Variants in TEAD4 observed in about 807,000 individuals in gnomAD.
TEAD4 encodes TEA domain transcription factor 4.
A neutral mutation model predicts 52.4 loss-of-function variants in TEAD4; 36 were observed. That is an observed-to-expected ratio of 0.69 (90% CI 0.53 to 0.91). The LOEUF is 0.91. Among genes scored for constraint, TEAD4 ranks in the 40% least tolerant of loss-of-function variants. The probability of loss-of-function intolerance (pLI) is 0.00; values close to 1 mark genes in which losing one functional copy is unlikely to be tolerated. For missense variants in TEAD4, 508 were observed against 583.9 expected (o/e 0.87, Z 1.34); for synonymous variants, 220 against 231.0 (o/e 0.95, Z 0.43).
At chr12:2,983,834 G>T (rs945077116) in intron 2 of TEAD4, among the ~76,000 whole-genome samples, 2 of 152,202 alleles carry the variant, frequency 1.3e-5, no homozygotes, top group Admixed American at 6.5e-5. Flanking sequence ...CATCAGCTCT[G>T]TGCAGCGTGC....
intron 5 of TEAD4, among the ~76,000 whole-genome samples, chr12:3,015,207 C>T (rs1591587173): frequency 6.6e-6 from 1 of 152,186 alleles, no homozygotes; most frequent in East Asian, 1.9e-4. Context: ...TCCCTACTCC[C>T]CACCGCCCTC....
At chr12:2,989,317 C>A (rs2098241224) in intron 2 of TEAD4, among the ~76,000 whole-genome samples, 1 of 152,186 alleles carries the variant, frequency 6.6e-6, no homozygotes, top group South Asian at 2.1e-4. Context: ...ATTTAATCTT[C>A]ACTCTTGAAT....
intron 2 of TEAD4, among the ~76,000 whole-genome samples, chr12:2,965,847 A>C (rs1010683078): frequency 6.6e-6 from 1 of 151,890 alleles, no homozygotes; most frequent in African/African-American, 2.4e-5. Flanking sequence ...CCCGGCCATA[A>C]ATTTTTTTAA....
intron 2 of TEAD4, among the ~76,000 whole-genome samples, chr12:2,981,507 G>A (rs928632439): frequency 2.6e-5 from 4 of 152,270 alleles, no homozygotes; most frequent in East Asian, 1.9e-4. Context: ...CACTGCACCC[G>A]CTTGTGCCCT....
chr12:2,980,976 ACTTCACCTTAGGAGCCTCAGCAT>A, intron 2 of TEAD4, among the ~76,000 whole-genome samples: 1 of 152,280 alleles, frequency 6.6e-6, no homozygotes, highest in South Asian at 2.1e-4. Context: ...GGGACACAGC[ACTTCACCTTAGGAGCCTCAGCAT>A]CTTCACCTGC....
chr12:2,995,350 C>G (rs1284297361), intron 3 of TEAD4, among the ~76,000 whole-genome samples: 1 of 152,108 alleles, frequency 6.6e-6, no homozygotes, highest in Non-Finnish European at 1.5e-5. Context: ...AGGATGCTCA[C>G]TCATCCCCTC....
chr12:3,023,545 T>C (rs1052503256), intron 10 of TEAD4, among the ~76,000 whole-genome samples: 1 of 151,638 alleles, frequency 6.6e-6, no homozygotes, highest in African/African-American at 2.4e-5. Context: ...CCCAGCACTT[T>C]GGGAGGCTGA....
intron 4 of TEAD4, among the ~76,000 whole-genome samples, chr12:3,011,478 C>T (rs1188838184): frequency 4.0e-5 from 6 of 151,074 alleles, no homozygotes; most frequent in East Asian, 2.0e-4. Context: ...GTAATCCACC[C>T]GCCTTGGCCT....
intron 6 of TEAD4, among the ~76,000 whole-genome samples, chr12:3,018,080 AG>A (rs1200262005): frequency 1.3e-5 from 2 of 152,200 alleles, no homozygotes; most frequent in Admixed American, 6.5e-5. Flanking sequence ...TGAGTCTTCA[AG>A]GCACCTGCAG....
intron 2 of TEAD4, among the ~76,000 whole-genome samples, chr12:2,978,394 T>A (rs1042490619): frequency 1.3e-5 from 2 of 151,660 alleles, no homozygotes; most frequent in Non-Finnish European, 2.9e-5. Context: ...TTTTTGTCTT[T>A]TTGTTTTTTT....
intron 2 of TEAD4, among the ~76,000 whole-genome samples, chr12:2,964,218 C>T (rs977529940): frequency 6.6e-6 from 1 of 152,202 alleles, no homozygotes; most frequent in Non-Finnish European, 1.5e-5. Flanking sequence ...AGCCTCCGCT[C>T]GTGCCACGCT....
At chr12:3,017,640 T>C in intron 6 of TEAD4, 114 bp downstream of exon 6, 1 of 1,400,826 alleles carries the variant, frequency 7.1e-7, no homozygotes, top group Non-Finnish European at 9.4e-7. Context: ...TGAGTCCTCT[T>C]GGCCAGGGCA....
intron 2 of TEAD4, among the ~76,000 whole-genome samples, chr12:2,962,659 G>A (rs1465801689): frequency 2.6e-5 from 4 of 151,952 alleles, no homozygotes; most frequent in Admixed American, 1.3e-4. Context: ...TAGTAGAGGC[G>A]GGATTTCGCC....
chr12:2,994,660 A>C lies in TEAD4; in HGVS notation c.-29-78A>C, dbSNP rs1194270229. On this transcript the variant is annotated intron_variant, in intron 2 of 12. Transcript: ENST00000359864. The surrounding 1 kb of genome is among the most constrained non-coding windows in gnomAD (Gnocchi z 4.7). ...CTGAGCAACTGATTCGGGCTCTGGC[A>C]CTCCCCGGAGTGCCTTCATCCCGTG... is the stretch of plus-strand genomic sequence containing the variant. 6.9e-7 allele frequency: 1 copy of C among 1,457,450 alleles called. No individual in the cohort carries two copies. The highest frequency in any genetic ancestry group is 2.4e-5 in the East Asian group (1 of 40,986). The allele number at this position is 1,457,450 out of a possible 1,614,324, so 90.3% of individuals were successfully genotyped here.
intron 11 of TEAD4, among the ~76,000 whole-genome samples, chr12:3,039,814 A>G (rs2098281602): frequency 6.6e-6 from 1 of 152,146 alleles, no homozygotes; most frequent in South Asian, 2.1e-4. Context: ...CAGCCTCCAG[A>G]GTAGCTGGGA....
intron 5 of TEAD4, among the ~76,000 whole-genome samples, chr12:3,016,127 A>T (rs1323949906): frequency 1.3e-5 from 2 of 152,094 alleles, no homozygotes; most frequent in Non-Finnish European, 2.9e-5. Flanking sequence ...TCCCAGGTTT[A>T]AGCAATCCTC....
chr12:3,039,767 A>T lies in TEAD4; in HGVS notation c.1039-340A>T, dbSNP rs537272182. On this transcript the variant is annotated intron_variant, in intron 11 of 12. Transcript: ENST00000359864. Reference sequence around the variant, plus strand: ...CAGTGGTACGATCTCAGCTCACTGCAACCTCCGCCTCCCGGGTTCAAGCGA... The same window carrying T: ...CAGTGGTACGATCTCAGCTCACTGCTACCTCCGCCTCCCGGGTTCAAGCGA... Among the ~76,000 whole-genome samples the T allele has an allele frequency of 4.6e-5, 7 of 152,310 alleles. 1 individual carries two copies. The highest frequency in any genetic ancestry group is 1.5e-5 in the Non-Finnish European group (1 of 68,024).
At chr12:3,018,386 G>T (rs1047431649) in intron 6 of TEAD4, among the ~76,000 whole-genome samples, 159 bp from the exon 7 acceptor site, 1 of 152,230 alleles carries the variant, frequency 6.6e-6, no homozygotes, top group African/African-American at 2.4e-5. Flanking sequence ...CACTCTGGGG[G>T]TGCTGCTGTG....
chr12:2,984,690 T>A (rs189560216), intron 2 of TEAD4, among the ~76,000 whole-genome samples: 1 of 152,314 alleles, frequency 6.6e-6, no homozygotes, highest in East Asian at 1.9e-4. Flanking sequence ...CTGTACAGCA[T>A]GTGACTATAC....
Sources: allele counts gnomAD v4.1 joint callset (sites outside exome capture counted in the v4.1 genomes callset), GRCh38; gene constraint gnomAD v4.1.1; non-coding constraint Gnocchi (gnomAD v3.1); transcripts MANE v1.5; gene names NCBI Gene and HGNC (gene_info 2026-07-23, HGNC 2026-07-21).